The following LARGE1 variants were observed in gnomAD, a reference collection of about 807,000 sequenced individuals.
The protein encoded by LARGE1 is xylosyl- and glucuronyltransferase LARGE1.
LARGE1 carries 43 observed loss-of-function variants against 87.6 expected under a neutral mutation model. The ratio of observed to expected loss-of-function variants is 0.49; its 90% CI spans 0.38 to 0.63. The LOEUF is 0.63. Among genes scored for constraint, LARGE1 ranks in the 30% least tolerant of loss-of-function variants. The pLI is 0.00. For synonymous variants in LARGE1, 434 were observed against 394.6 expected (o/e 1.10, Z -1.18); for missense variants, 802 against 1,000.2 (o/e 0.80, Z 2.67).
At chr22:33,875,276 G>A (rs1429768443) in intron 1 of LARGE1, among the ~76,000 whole-genome samples, 5 of 152,182 alleles carry the variant, frequency 3.3e-5, no homozygotes, top group African/African-American at 1.2e-4. Flanking sequence ...GCAGGCTGCG[G>A]GAACTGCCTG....
intron 7 of LARGE1, among the ~76,000 whole-genome samples, chr22:33,397,623 T>C (rs1363209478): frequency 6.6e-6 from 1 of 152,244 alleles, no homozygotes; most frequent in East Asian, 1.9e-4. Context: ...TGATGGACAT[T>C]TGGGCTGTAA....
At chr22:33,881,205 G>A (rs564890905) in intron 1 of LARGE1, among the ~76,000 whole-genome samples, 4 of 152,160 alleles carry the variant, frequency 2.6e-5, no homozygotes, top group South Asian at 2.1e-4. Context: ...CGAGCCCCCC[G>A]GGGCCGAAAA....
At chr22:33,454,842 C>CT (rs1489077775) in intron 6 of LARGE1, among the ~76,000 whole-genome samples, 1 of 152,004 alleles carries the variant, frequency 6.6e-6, no homozygotes, top group Non-Finnish European at 1.5e-5. Context: ...CGAGAGAACT[C>CT]TATCATGAGA....
At chr22:33,283,089 C>T in intron 13 of LARGE1, 113 bp downstream of exon 13, 1 of 1,355,030 alleles carries the variant, frequency 7.4e-7, no homozygotes, top group Non-Finnish European at 1.1e-6. Context: ...CCTGGCCTCA[C>T]AATGGACTAA....
intron 13 of LARGE1, among the ~76,000 whole-genome samples, chr22:33,282,293 C>T (rs932417520): frequency 7.9e-5 from 12 of 152,110 alleles, no homozygotes; most frequent in South Asian, 2.1e-4. Context: ...CGCAGTGAGC[C>T]GAGACCACGC....
In LARGE1 at chr22:33,416,906, C is replaced by CTTTTTTTTTTTTTT. The variant is rs35018256; in HGVS notation, c.892+15241_892+15254dup. 1.1e-4 allele frequency among the ~76,000 whole-genome samples: 10 copies of CTTTTTTTTTTTTTT among 90,172 alleles called. 1 individual carries two copies. Among genetic ancestry groups the CTTTTTTTTTTTTTT allele is most frequent in the African/African-American group, 1.7e-4 (3 of 17,420 alleles). The allele number at this position is 90,172 out of a possible 152,430, so 59.2% of individuals were successfully genotyped here. The stretch of plus-strand genomic sequence containing the variant: ...ACAGGTGTGAGGCACCACGCCCGGA[C>CTTTTTTTTTTTTTT]TTTTTTTTTTTTTTTTTTTGAGACA... On this transcript the variant is annotated intron_variant, in intron 7 of 14. Transcript: ENST00000397394.
chr22:33,080,951 TTCCATCCA>T, the LARGE1 span, among the ~76,000 whole-genome samples: 150 of 149,332 alleles, frequency 1.0e-3, no homozygotes, highest in African/African-American at 2.8e-3. Context: ...TCCATCTGTC[TTCCATCCA>T]TCCATCCATC....
intron 6 of LARGE1, among the ~76,000 whole-genome samples, chr22:33,456,176 A>C (rs2068123117): frequency 6.6e-6 from 1 of 152,194 alleles, no homozygotes; most frequent in Admixed American, 6.5e-5. Flanking sequence ...CTTGCAAAAT[A>C]AGATCATTAA....
chr22:33,658,172 G>C (rs116938710), intron 2 of LARGE1, among the ~76,000 whole-genome samples: 345 of 152,150 alleles, frequency 2.3e-3, no homozygotes, highest in Non-Finnish European at 4.0e-3. Context: ...TCCTCAATCT[G>C]GGCTTCCATT....
chr22:33,261,986 GA>G (rs1347914689), intron 11 of LARGE1, among the ~76,000 whole-genome samples: 1 of 152,164 alleles, frequency 6.6e-6, no homozygotes, highest in African/African-American at 2.4e-5. Flanking sequence ...CTGAACAAGA[GA>G]AAAAAATAAC....
intron 1 of LARGE1, among the ~76,000 whole-genome samples, chr22:33,828,202 C>T (rs1254726923): frequency 1.3e-5 from 2 of 152,088 alleles, no homozygotes; most frequent in Non-Finnish European, 2.9e-5. Flanking sequence ...ATTCACATAC[C>T]AAGGGAGTAA....
At chr22:33,119,797 G>A in the LARGE1 span, among the ~76,000 whole-genome samples, 1 of 152,158 alleles carries the variant, frequency 6.6e-6, no homozygotes, top group Non-Finnish European at 1.5e-5. Flanking sequence ...CCACTGACAC[G>A]TGTGGAGTGC....
intron 2 of LARGE1, among the ~76,000 whole-genome samples, chr22:33,702,549 A>T (rs2082432605): frequency 6.6e-6 from 1 of 152,222 alleles, no homozygotes. Context: ...GGACAGGAAA[A>T]CACGGGACCT....
intron 1 of LARGE1, among the ~76,000 whole-genome samples, chr22:33,913,761 G>A (rs530689538): frequency 1.8e-4 from 27 of 151,990 alleles, no homozygotes; most frequent in African/African-American, 5.5e-4. Flanking sequence ...TATTGGCCAG[G>A]ATGGTCTCAA....
At chr22:33,221,025 C>G (rs1018192053) in intron 11 of LARGE1, among the ~76,000 whole-genome samples, 1 of 152,064 alleles carries the variant, frequency 6.6e-6, no homozygotes, top group Non-Finnish European at 1.5e-5. Flanking sequence ...TGTGGGACCC[C>G]CACAGGAAGA....
At chr22:33,605,755 C>G (rs564228964) in intron 4 of LARGE1, among the ~76,000 whole-genome samples, 9 of 152,268 alleles carry the variant, frequency 5.9e-5, no homozygotes, top group South Asian at 2.1e-4. Flanking sequence ...ATGAGAATGA[C>G]CCGGCCCGCT....
intron 1 of LARGE1, among the ~76,000 whole-genome samples, chr22:33,788,504 T>C (rs1028771360): frequency 6.6e-6 from 1 of 152,174 alleles, no homozygotes; most frequent in Non-Finnish European, 1.5e-5. Context: ...TGGAACAGTT[T>C]GGAGGGCTCA....
At chr22:33,880,760 T>C (rs2064655299) in intron 1 of LARGE1, among the ~76,000 whole-genome samples, 1 of 152,198 alleles carries the variant, frequency 6.6e-6, no homozygotes, top group Admixed American at 6.5e-5. Context: ...ATATGGATAT[T>C]TTCATTCCCT....
rs544316647 is a variant in LARGE1, at chr22:33,614,849, T to C, written c.492-10291A>G. On this transcript the variant is annotated intron_variant, in intron 4 of 14. Transcript: ENST00000397394. ...GCTTCACAAAGTACCTCCTCTCTTG[T>C]TTACTCTCTACAACCCCAGCGCTTA... is the stretch of plus-strand genomic sequence containing the variant. 4.9e-3 allele frequency among the ~76,000 whole-genome samples: 304 copies of C among 61,532 alleles called. 4 individuals carry two copies. The highest frequency in any genetic ancestry group is 0.038 in the African/African-American group (292 of 7,678). 40.4% of individuals were successfully genotyped at this position (61,532 alleles called of 152,430 possible).
Sources: allele counts gnomAD v4.1 joint callset (sites outside exome capture counted in the v4.1 genomes callset), GRCh38; gene constraint gnomAD v4.1.1; transcripts MANE v1.5; gene names NCBI Gene and HGNC (gene_info 2026-07-23, HGNC 2026-07-21).